The following LIMK1 variants were observed in gnomAD, a reference collection of about 807,000 sequenced individuals.
LIMK1 encodes LIM domain kinase 1, also known as LIM motif-containing protein kinase.
Under a neutral mutation model 77.6 loss-of-function variants are expected in LIMK1, and 21 were observed. The ratio of observed to expected loss-of-function variants is 0.27; its 90% CI spans 0.19 to 0.39. The LOEUF is 0.39. Among genes scored for constraint, LIMK1 ranks in the 10% least tolerant of loss-of-function variants. The probability of loss-of-function intolerance (pLI) is 1.00; values close to 1 mark genes in which losing one functional copy is unlikely to be tolerated. For synonymous variants in LIMK1, 358 were observed against 370.0 expected (o/e 0.97, Z 0.37); for missense variants, 696 against 901.6 (o/e 0.77, Z 2.92).
Position 74,120,966 on chromosome 7 carries a change from C to G in LIMK1, c.1698C>G (p.Phe566Leu). 6.2e-7 allele frequency: 1 copy of G among 1,614,024 alleles called. No individual in the cohort carries two copies. The highest frequency in any genetic ancestry group is 8.5e-7 in the Non-Finnish European group (1 of 1,179,964). ...ACTTTGGCCTCAACGTGCGAGGATT[C>G]CTGGACCGCTACTGCCCCCCAAACT... ...TMDFGLNVRGFLDRYCPPNCP... is the reference protein window; with the variant it reads ...TMDFGLNVRGLLDRYCPPNCP... The change falls in exon 15 of 16, where the codon TTC (phenylalanine) becomes TTG (leucine). Residue 566 changes from phenylalanine to leucine, a missense_variant. Physicochemically the swap from Phe to Leu is conservative, Grantham distance 22. This residue lies in a region of LIMK1 where 438 missense variants were observed against 602.3 expected (regional missense o/e 0.73). Coordinates refer to ENST00000336180, the MANE Select transcript of LIMK1 (RefSeq NM_002314.4).
At position 74,096,541 on chromosome 7, in the gene LIMK1, G is replaced by A. The variant is rs1799339257; in HGVS notation, c.153-81G>A. ...GAAAACTTGTTCTAATTCTTACAAA[G>A]GTGCCTGTAGCCGAGGCAGGGGCCC... On this transcript the variant is annotated intron_variant, in intron 2 of 15. Transcript: ENST00000336180. 1.9e-6 allele frequency: 3 copies of A among 1,556,824 alleles called. No homozygotes were observed. In the African/African-American group the frequency reaches 4.1e-5, roughly 21 times the overall value.
At chr7:74,114,914 C>CAA (rs569366868) in intron 12 of LIMK1, among the ~76,000 whole-genome samples, 4 of 69,884 alleles carry the variant, frequency 5.7e-5, no homozygotes, top group Non-Finnish European at 5.9e-5. Context: ...GACTCCAACT[C>CAA]AAAAAAAAAA....
In LIMK1 at chr7:74,121,328, C is replaced by A; in HGVS notation, c.*27C>A. ...CCAGGGCCACTCAGCTGCCCCTGTC[C>A]CCACCTCTGGAGAATCCACCCCCAC... On this transcript the variant is annotated 3_prime_UTR_variant, in exon 16 of 16. Coordinates refer to ENST00000336180, the MANE Select transcript of LIMK1 (RefSeq NM_002314.4). 1 of 1,544,170 alleles carries A rather than the reference C, an allele frequency of 6.5e-7. No homozygotes were observed.
intron 2 of LIMK1, among the ~76,000 whole-genome samples, chr7:74,093,590 C>T (rs1048914755): frequency 2.6e-5 from 4 of 152,154 alleles, no homozygotes; most frequent in Non-Finnish European, 5.9e-5. Flanking sequence ...TGGAAGCCAC[C>T]GCTGTCTCCC....
chr7:74,105,513 CAAA>C (rs201143839), intron 5 of LIMK1, among the ~76,000 whole-genome samples: 7 of 93,640 alleles, frequency 7.5e-5, no homozygotes, highest in Admixed American at 1.2e-4. Context: ...ATTCTGTCTC[CAAA>C]AAAAAAAAAA....
intron 1 of LIMK1, among the ~76,000 whole-genome samples, 183 bp from the exon 2 acceptor site, chr7:74,085,565 G>A (rs1394808389): frequency 6.6e-6 from 1 of 152,244 alleles, no homozygotes; most frequent in African/African-American, 2.4e-5. Context: ...ATCTCAGCAA[G>A]ACTCAGGCCA....
At chr7:74,097,059 C>G (rs782073929) in intron 3 of LIMK1, 21 bp from the exon 4 acceptor site, 4 of 1,576,218 alleles carry the variant, frequency 2.5e-6, no homozygotes, top group Non-Finnish European at 3.5e-6. Context: ...CTGGGCTGTT[C>G]CCTCCTCACC....
At chr7:74,093,077 C>G in intron 2 of LIMK1, 5 of 1,380,816 alleles carry the variant, frequency 3.6e-6, no homozygotes, top group Non-Finnish European at 4.7e-6. Flanking sequence ...CAGGCTCAGA[C>G]CAAGTCCCCT....
At chr7:74,118,501 C>T (rs1799866996) in intron 13 of LIMK1, among the ~76,000 whole-genome samples, 1 of 151,710 alleles carries the variant, frequency 6.6e-6, no homozygotes. Flanking sequence ...CTTGTAATCC[C>T]AGCACTTTGG....
intron 13 of LIMK1, among the ~76,000 whole-genome samples, chr7:74,118,078 G>A (rs1799851260): frequency 6.6e-6 from 1 of 150,564 alleles, no homozygotes; most frequent in South Asian, 2.1e-4. Context: ...GGGCAACAGA[G>A]GAAGACTGTG....
At chr7:74,101,867 C>T (rs1268703506) in intron 5 of LIMK1, among the ~76,000 whole-genome samples, 1 of 151,834 alleles carries the variant, frequency 6.6e-6, no homozygotes, top group Non-Finnish European at 1.5e-5. Flanking sequence ...CTCTGTCATA[C>T]AGGCTGGAGT....
intron 13 of LIMK1, among the ~76,000 whole-genome samples, chr7:74,117,069 A>C (rs983839831): frequency 3.3e-5 from 5 of 151,728 alleles, no homozygotes; most frequent in Admixed American, 3.3e-4. Context: ...TTTTAGTAGA[A>C]ACGGGGTTTC....
intron 5 of LIMK1, among the ~76,000 whole-genome samples, chr7:74,102,066 C>T (rs1483033373): frequency 1.3e-5 from 2 of 152,174 alleles, no homozygotes; most frequent in African/African-American, 4.8e-5. Context: ...TCAAGCAATC[C>T]TCCCACATTG....
chr7:74,084,867 C>A (rs1281809583), intron 1 of LIMK1, among the ~76,000 whole-genome samples: 8 of 152,252 alleles, frequency 5.3e-5, no homozygotes, highest in African/African-American at 1.9e-4. Flanking sequence ...TGACTCCACA[C>A]CTCCCCCTGC....
chr7:74,093,925 G>A (rs1233744486), intron 2 of LIMK1: 1 of 152,642 alleles, frequency 6.6e-6, no homozygotes, highest in Non-Finnish European at 1.5e-5. Flanking sequence ...GGCGGGGCAG[G>A]GGCAGGGACA....
intron 3 of LIMK1, 112 bp from the exon 4 acceptor site, chr7:74,096,968 G>A (rs542030619): frequency 3.6e-5 from 37 of 1,042,134 alleles, no homozygotes; most frequent in African/African-American, 3.1e-4. Flanking sequence ...CTGGCCAGCC[G>A]GGTCCCTGCA....
chr7:74,089,247 G>A (rs1799193599), intron 2 of LIMK1, among the ~76,000 whole-genome samples: 1 of 152,124 alleles, frequency 6.6e-6, no homozygotes, highest in Admixed American at 6.5e-5. Flanking sequence ...GGTGGCACAT[G>A]CCTATAATCC....
chr7:74,096,660 A>G lies in LIMK1; in HGVS notation c.191A>G (p.Tyr64Cys), dbSNP rs782484087. Residue 64 changes from tyrosine to cysteine, a missense_variant, in exon 3 of 16, where the codon TAT becomes TGT. This residue lies in a region of LIMK1 where 252 missense variants were observed against 279.4 expected (regional missense o/e 0.90). Transcript: ENST00000336180. ...DCSASLSHQY[Y>C]EKDGQLFCKK... is the part of the protein sequence containing the mutation. ...AGTGCCTCCCTGTCGCACCAGTACTATGAGAAGGATGGGCAGCTCTTCTGC... is the reference window on the plus strand; with the variant it reads ...AGTGCCTCCCTGTCGCACCAGTACTGTGAGAAGGATGGGCAGCTCTTCTGC... 5.0e-6 allele frequency: 8 copies of G among 1,614,044 alleles called. No homozygotes were observed. Among genetic ancestry groups the G allele is most frequent in the Non-Finnish European group, 3.4e-6 (4 of 1,180,014 alleles).
In LIMK1 at chr7:74,113,711, A is replaced by G. The variant is rs545438967; in HGVS notation, c.1410+1713A>G. ...TACAGACCCACTCTTGTGATAACTA[A>G]CCTGGTCCCTCAATAACCCATTAAT... On this transcript the variant is annotated intron_variant, in intron 12 of 15. Transcript: ENST00000336180. Among the ~76,000 whole-genome samples, 129 of 152,136 alleles carry G rather than the reference A, an allele frequency of 8.5e-4. 1 individual carries two copies. In the South Asian group the frequency reaches 0.026, roughly 31 times the overall value.
Sources: allele counts gnomAD v4.1 joint callset (sites outside exome capture counted in the v4.1 genomes callset), GRCh38; gene constraint gnomAD v4.1.1; regional missense constraint gnomAD v4.1.1; transcripts MANE v1.5; gene names NCBI Gene and HGNC (gene_info 2026-07-23, HGNC 2026-07-21).